Variants in THSD4 observed in about 807,000 individuals in gnomAD.
THSD4 encodes thrombospondin type-1 domain-containing protein 4.
THSD4 carries 69 observed loss-of-function variants against 119.0 expected under a neutral mutation model. That is an observed-to-expected ratio of 0.58 (90% confidence interval 0.48 to 0.71). The LOEUF is 0.71. Ranked by LOEUF, THSD4 falls within the 30% of genes least tolerant of loss-of-function variation. The pLI, the probability that THSD4 is intolerant of heterozygous loss-of-function variation, is 0.00. For synonymous variants in THSD4, 524 were observed against 540.4 expected (o/e 0.97, Z 0.42); for missense variants, 1,393 against 1,391.1 (o/e 1.00, Z -0.02).
At chr15:71,290,236 C>G (rs1447870751) in intron 6 of THSD4, among the ~76,000 whole-genome samples, 2 of 152,208 alleles carry the variant, frequency 1.3e-5, no homozygotes, top group Non-Finnish European at 2.9e-5. Flanking sequence ...ACAGCAGGTC[C>G]TCTGTTCCTG....
intron 7 of THSD4, among the ~76,000 whole-genome samples, chr15:71,487,908 A>AT (rs149915393): frequency 6.6e-6 from 1 of 151,688 alleles, no homozygotes; most frequent in Non-Finnish European, 1.5e-5. Context: ...TGTGGTTTTA[A>AT]TTTTTTTCCT....
chr15:71,213,959 A>G (rs761791996), intron 3 of THSD4, among the ~76,000 whole-genome samples: 1 of 152,194 alleles, frequency 6.6e-6, no homozygotes, highest in Non-Finnish European at 1.5e-5. Context: ...TGCTATTGAG[A>G]GGTGAAGCCA....
chr15:71,622,003 A>G (rs2050426802), intron 7 of THSD4, among the ~76,000 whole-genome samples: 1 of 152,186 alleles, frequency 6.6e-6, no homozygotes, highest in Non-Finnish European at 1.5e-5. Flanking sequence ...AATCGAAGTG[A>G]TTTTGAACCT....
intron 3 of THSD4, among the ~76,000 whole-genome samples, chr15:71,198,190 T>C (rs954389600): frequency 6.6e-6 from 1 of 152,144 alleles, no homozygotes; most frequent in African/African-American, 2.4e-5. Flanking sequence ...GAGCCCAGGA[T>C]TTTGAAGCTG....
chr15:71,207,928 A>C (rs148979855), intron 3 of THSD4, among the ~76,000 whole-genome samples: 15 of 152,358 alleles, frequency 9.8e-5, no homozygotes, highest in African/African-American at 3.4e-4. Context: ...AAGCAACAGA[A>C]ACTAACATAA....
intron 6 of THSD4, among the ~76,000 whole-genome samples, chr15:71,368,077 G>T (rs1209940243): frequency 6.6e-6 from 1 of 152,156 alleles, no homozygotes; most frequent in Non-Finnish European, 1.5e-5. Flanking sequence ...CTGCATAAAT[G>T]TCTTCTTTTG....
chr15:71,424,476 G>C lies in THSD4; in HGVS notation c.1152+12653G>C, dbSNP rs982723164. ...ATATTGAAAGGCCTCGAAGGGAAAGGGCAAGTAGAGCTCTCATTCTGTCAT... is the reference window on the plus strand; with the variant it reads ...ATATTGAAAGGCCTCGAAGGGAAAGCGCAAGTAGAGCTCTCATTCTGTCAT... On this transcript the variant is annotated intron_variant, in intron 7 of 17. Transcript: ENST00000261862. Among the ~76,000 whole-genome samples, 12 of 152,194 alleles carry C rather than the reference G, an allele frequency of 7.9e-5. No homozygotes were observed. In the East Asian group the frequency reaches 2.3e-3, roughly 30 times the overall value.
intron 6 of THSD4, among the ~76,000 whole-genome samples, chr15:71,274,945 T>C (rs1208932951): frequency 6.6e-6 from 1 of 152,206 alleles, no homozygotes; most frequent in Non-Finnish European, 1.5e-5. Flanking sequence ...AAACCAAGCA[T>C]AGAGCTTAAA....
chr15:71,264,522 G>A (rs958064083), intron 6 of THSD4, among the ~76,000 whole-genome samples: 10 of 152,204 alleles, frequency 6.6e-5, no homozygotes, highest in Non-Finnish European at 8.8e-5. Context: ...TTTTGGTTTT[G>A]TATATGTTGA....
chr15:71,557,945 T>C (rs111783437), intron 7 of THSD4, among the ~76,000 whole-genome samples: 7 of 152,344 alleles, frequency 4.6e-5, no homozygotes, highest in African/African-American at 1.7e-4. Flanking sequence ...TTCCTCTTCA[T>C]TGAAGCTTTG....
intron 6 of THSD4, among the ~76,000 whole-genome samples, chr15:71,362,149 C>T (rs905453056): frequency 6.6e-6 from 1 of 152,096 alleles, no homozygotes; most frequent in Non-Finnish European, 1.5e-5. Context: ...CTTGGTGGTG[C>T]ATGCCTGTAA....
At chr15:71,777,207 T>C in intron 17 of THSD4, 25 bp from the exon 18 acceptor site, 1 of 1,614,130 alleles carries the variant, frequency 6.2e-7, no homozygotes, top group Non-Finnish European at 8.5e-7. Flanking sequence ...TCAGGGAGTC[T>C]TCTGTTCATT....
chr15:71,322,878 C>G (rs779736449), intron 6 of THSD4, among the ~76,000 whole-genome samples: 7 of 152,098 alleles, frequency 4.6e-5, no homozygotes, highest in Non-Finnish European at 1.0e-4. Flanking sequence ...GGGGGGATCA[C>G]TTGAGCCCAG....
At chr15:71,536,288 C>T (rs534205654) in intron 7 of THSD4, among the ~76,000 whole-genome samples, 1 of 152,198 alleles carries the variant, frequency 6.6e-6, no homozygotes, top group Non-Finnish European at 1.5e-5. Flanking sequence ...TGCCACATTC[C>T]TTGGTTCCCA....
At chr15:71,253,301 C>G (rs1366108867) in intron 5 of THSD4, among the ~76,000 whole-genome samples, 3 of 152,124 alleles carry the variant, frequency 2.0e-5, no homozygotes, top group African/African-American at 7.2e-5. Context: ...TGTAAGAGCA[C>G]CAGGCATTAG....
intron 7 of THSD4, among the ~76,000 whole-genome samples, chr15:71,552,651 T>C (rs183642396): frequency 6.9e-4 from 105 of 152,332 alleles, no homozygotes; most frequent in African/African-American, 2.4e-3. Flanking sequence ...TTAAATGTTT[T>C]TGTTGTTGTT....
At chr15:71,681,210 C>T (rs938298291) in intron 8 of THSD4, among the ~76,000 whole-genome samples, 1 of 151,874 alleles carries the variant, frequency 6.6e-6, no homozygotes, top group Non-Finnish European at 1.5e-5. Flanking sequence ...CCACTGCTCC[C>T]GGCCCTACTA....
intron 1 of THSD4, among the ~76,000 whole-genome samples, chr15:71,107,722 A>C (rs16955132): frequency 0.016 from 2,513 of 152,320 alleles, 81 homozygotes; most frequent in African/African-American, 0.057. Flanking sequence ...GCTAGCCAGA[A>C]AAAAGGGACG....
intron 6 of THSD4, among the ~76,000 whole-genome samples, chr15:71,349,945 A>T (rs1158904149): frequency 6.6e-6 from 1 of 152,076 alleles, no homozygotes; most frequent in Non-Finnish European, 1.5e-5. Context: ...GCAGAAGCAA[A>T]GGTTTCCAGT....
Sources: allele counts gnomAD v4.1 joint callset (sites outside exome capture counted in the v4.1 genomes callset), GRCh38; gene constraint gnomAD v4.1.1; transcripts MANE v1.5; gene names NCBI Gene and HGNC (gene_info 2026-07-23, HGNC 2026-07-21).